PASD1: variants seen among roughly 807,000 people sequenced by gnomAD.
The protein encoded by PASD1 is PAS domain containing repressor 1.
Under a neutral mutation model 58.8 loss-of-function variants are expected in PASD1, and 13 were observed. The ratio of observed to expected loss-of-function variants is 0.22; its 90% CI spans 0.14 to 0.35. The LOEUF is 0.35. PASD1 is among the 10% of genes least tolerant of loss of function. PASD1 has a pLI of 1.00. For missense variants in PASD1, 734 were observed against 568.3 expected (o/e 1.29, Z -2.96); for synonymous variants, 236 against 216.7 (o/e 1.09, Z -0.78).
At chrX:151,625,887 C>T (rs1345882010) in intron 8 of PASD1, among the ~76,000 whole-genome samples, 1 of 111,457 alleles carries the variant, frequency 9.0e-6, no homozygotes, top group Non-Finnish European at 1.9e-5. Flanking sequence ...ATCAAGTCTG[C>T]AGTGAGCAGT....
intron 8 of PASD1, among the ~76,000 whole-genome samples, chrX:151,638,085 T>C (rs2013952850): frequency 8.9e-6 from 1 of 111,839 alleles, no homozygotes; most frequent in Non-Finnish European, 1.9e-5. Flanking sequence ...TCTGGGTTTG[T>C]CACTTATTGC....
intron 14 of PASD1, 108 bp downstream of exon 14, chrX:151,672,769 C>A: frequency 9.0e-7 from 1 of 1,105,534 alleles, no homozygotes. Flanking sequence ...GTGGCACCAG[C>A]GTCCCTCTCA....
At chrX:151,660,132 A>G (rs1246112197) in intron 10 of PASD1, among the ~76,000 whole-genome samples, 2 of 112,185 alleles carry the variant, frequency 1.8e-5, no homozygotes, top group Non-Finnish European at 3.8e-5. Flanking sequence ...CGTGTAGTCT[A>G]TTCTGCTATC....
chrX:151,634,356 T>C (rs1237950937), intron 8 of PASD1, among the ~76,000 whole-genome samples: 1 of 111,496 alleles, frequency 9.0e-6, no homozygotes, highest in Non-Finnish European at 1.9e-5. Flanking sequence ...CAAATACTTC[T>C]ATGTATTTCC....
chrX:151,664,441 T>G (rs1281405273), intron 11 of PASD1, 93 bp downstream of exon 11: 2 of 1,128,256 alleles, frequency 1.8e-6, no homozygotes, highest in African/African-American at 3.7e-5. Flanking sequence ...CAGTTTCACT[T>G]CACAGAAAGT....
intron 3 of PASD1, 94 bp from the exon 4 acceptor site, chrX:151,611,570 G>A (rs2013558479): frequency 3.5e-6 from 2 of 575,902 alleles, no homozygotes; most frequent in Admixed American, 7.0e-5. Flanking sequence ...GTGCATTTCA[G>A]TGTGCTATTA....
At chrX:151,581,735 C>A (rs945995434) in intron 1 of PASD1, among the ~76,000 whole-genome samples, 1 of 109,815 alleles carries the variant, frequency 9.1e-6, no homozygotes, top group Non-Finnish European at 1.9e-5. Flanking sequence ...AACTTGGGGA[C>A]AAAATGATGA....
rs5904324 is a variant in PASD1, at chrX:151,620,862, T to TAA, written c.208-63_208-62dup. ...AGGAACTGAACAGTATTAACACAGA[T>TAA]AAAAAAGTTTACTCTCTCCCTCTTC... On this transcript the variant is annotated intron_variant, in intron 4 of 15. Coordinates refer to ENST00000370357, the MANE Select transcript of PASD1 (RefSeq NM_173493.3). 3.4e-5 allele frequency: 25 copies of TAA among 744,672 alleles called. No homozygotes were observed. In the East Asian group the frequency reaches 6.8e-4, roughly 20 times the overall value. The allele number at this position is 744,672 out of a possible 1,213,427, so 61.4% of individuals were successfully genotyped here. A position where few individuals can be genotyped will look rare whatever the true frequency, so the allele number is the denominator to read the frequency against.
chrX:151,576,664 A>AGTGT (rs751920611), intron 1 of PASD1, among the ~76,000 whole-genome samples: 1 of 111,552 alleles, frequency 9.0e-6, no homozygotes, highest in Non-Finnish European at 1.9e-5. Context: ...ATCAATAAGA[A>AGTGT]GTGTGTGTGT....
intron 11 of PASD1, among the ~76,000 whole-genome samples, chrX:151,666,423 G>T (rs1371563033): frequency 1.9e-5 from 2 of 105,711 alleles, no homozygotes; most frequent in Non-Finnish European, 3.9e-5. Flanking sequence ...TAGGGTACAT[G>T]TGCACAACGT....
At position 151,648,108 on chromosome X, in the gene PASD1, C is replaced by A. The variant is rs148520025; in HGVS notation, c.630-507C>A. On this transcript the variant is annotated intron_variant, in intron 8 of 15. Transcript: ENST00000370357. Reference sequence around the variant, plus strand: ...TCTCATTCATTCATATTTTCTCACCCATACTTAATTGGTGAAAAGTAAGCT... The same window carrying A: ...TCTCATTCATTCATATTTTCTCACCAATACTTAATTGGTGAAAAGTAAGCT... Among the ~76,000 whole-genome samples, 860 of 110,682 alleles carry A rather than the reference C, an allele frequency of 7.8e-3. 7 individuals are homozygous for A. The highest frequency in any genetic ancestry group is 0.027 in the African/African-American group (827 of 30,489).
intron 2 of PASD1, among the ~76,000 whole-genome samples, chrX:151,602,396 C>T (rs1395105095): frequency 9.0e-6 from 1 of 111,316 alleles, no homozygotes; most frequent in Non-Finnish European, 1.9e-5. Context: ...CACTCTCCTG[C>T]TTAAAAGCAC....
At chrX:151,668,017 C>T (rs969076627) in intron 11 of PASD1, among the ~76,000 whole-genome samples, 3 of 111,174 alleles carry the variant, frequency 2.7e-5, no homozygotes, top group African/African-American at 9.8e-5. Context: ...TACCTGATTG[C>T]CCTGGCCAGA....
Position 151,622,172 on chromosome X carries a change from TG to T in PASD1, c.418+581del, listed in dbSNP as rs755664013. Among the ~76,000 whole-genome samples, 4 of 111,293 alleles carry T rather than the reference TG, an allele frequency of 3.6e-5. No individual in the cohort carries two copies. In the South Asian group the frequency reaches 1.5e-3, roughly 43 times the overall value. On this transcript the variant is annotated intron_variant, in intron 6 of 15. Transcript: ENST00000370357. ...TACAAGAAACCAAAACCCAAATTTT[TG>T]TCGCGTGTGGATATAGGGTCCATTT...
At chrX:151,665,847 G>GGT (rs1183569660) in intron 11 of PASD1, among the ~76,000 whole-genome samples, 55 of 107,058 alleles carry the variant, frequency 5.1e-4, no homozygotes, top group African/African-American at 1.7e-3. Context: ...AGTTTAGAGG[G>GGT]GTGTGTGTGT....
rs189894061 is a variant in PASD1, at chrX:151,633,055, A to T, written c.629+7525A>T. On this transcript the variant is annotated intron_variant, in intron 8 of 15. Coordinates refer to ENST00000370357, the MANE Select transcript of PASD1 (RefSeq NM_173493.3). ...CCTGTGAACATAGCAGACAGTCATG[A>T]TCTGAAGTTTGTGTCTGGTGATTTC... Among the ~76,000 whole-genome samples the T allele has an allele frequency of 2.9e-3, 328 of 111,969 alleles. 3 individuals are homozygous for T. The highest frequency in any genetic ancestry group is 5.2e-3 in the Non-Finnish European group (279 of 53,192).
At chrX:151,579,395 C>T (rs1207043743) in intron 1 of PASD1, among the ~76,000 whole-genome samples, 1 of 111,623 alleles carries the variant, frequency 9.0e-6, no homozygotes, top group Non-Finnish European at 1.9e-5. Context: ...TGAAGTTTTA[C>T]CCTTACATGA....
At chrX:151,653,288 G>A (rs772980808) in intron 9 of PASD1, among the ~76,000 whole-genome samples, 2 of 108,667 alleles carry the variant, frequency 1.8e-5, no homozygotes, top group South Asian at 4.1e-4. Flanking sequence ...CGCCTCCCAG[G>A]TTCAAGCGAT....
At chrX:151,641,941 C>T (rs770493801) in intron 8 of PASD1, among the ~76,000 whole-genome samples, 1 of 112,292 alleles carries the variant, frequency 8.9e-6, no homozygotes, top group Admixed American at 9.5e-5. Context: ...AAATAGCACA[C>T]TCCTTCCATT....
Sources: gnomAD v4.1 joint callset for allele counts (sites outside exome capture counted in the v4.1 genomes callset) on GRCh38, gnomAD v4.1.1 for gene constraint, MANE v1.5 for transcripts, NCBI Gene and HGNC (gene_info 2026-07-23, HGNC 2026-07-21) for gene names.